DAB1: variants seen among roughly 807,000 people sequenced by gnomAD.
DAB1 encodes the protein DAB adaptor protein 1, also known as disabled homolog 1.
DAB1 carries 15 observed loss-of-function variants against 64.6 expected under a neutral mutation model. That is an observed-to-expected ratio of 0.23 (90% confidence interval 0.16 to 0.36). The LOEUF is 0.36. Ranked by LOEUF, DAB1 falls within the 10% of genes least tolerant of loss-of-function variation. The pLI is 1.00. For missense variants in DAB1, 596 were observed against 706.7 expected (o/e 0.84, Z 1.78); for synonymous variants, 235 against 251.9 (o/e 0.93, Z 0.64).
In DAB1 at chr1:57,198,691, C is replaced by A. The variant is rs576399463; in HGVS notation, c.68-53262G>T. ...CACACACACACACACACACACACAC[C>A]CATCAACTTTTCCTGGGAGAGTAAA... On this transcript the variant is annotated intron_variant, in intron 2 of 14. Transcript: ENST00000371236. Among the ~76,000 whole-genome samples the A allele has an allele frequency of 2.0e-3, 218 of 109,794 alleles. 2 individuals are homozygous for A. Among genetic ancestry groups the A allele is most frequent in the African/African-American group, 6.4e-3 (205 of 32,150 alleles). The allele number at this position is 109,794 out of a possible 152,430, so 72.0% of individuals were successfully genotyped here.
Position 57,962,210 on chromosome 1 carries a change from C to T in DAB1, n.388-78048G>A, listed in dbSNP as rs550006161. The stretch of plus-strand genomic sequence containing the variant: ...TCTTTAAGTGGGATCTTTATAGTGC[C>T]TACCTTAAAATTTTGCTGTGAATTC... On this transcript the variant is annotated intron_variant and non_coding_transcript_variant, in intron 5 of 20. Coordinates refer to the DAB1 transcript ENST00000485760. 7.2e-5 allele frequency among the ~76,000 whole-genome samples: 11 copies of T among 152,174 alleles called. No homozygotes were observed. In the South Asian group the frequency reaches 1.5e-3, roughly 20 times the overall value.
chr1:57,567,765 C>G (rs1037975707), intron 7 of DAB1, among the ~76,000 whole-genome samples: 28 of 151,884 alleles, frequency 1.8e-4, no homozygotes, highest in Non-Finnish European at 3.4e-4. Flanking sequence ...CACTGCTCAA[C>G]GAAATAAAAG....
At position 57,207,390 on chromosome 1, in the gene DAB1, T is replaced by A. The variant is rs371172035; in HGVS notation, c.68-61961A>T. Among the ~76,000 whole-genome samples, 75 of 151,614 alleles carry A rather than the reference T, an allele frequency of 4.9e-4. 1 individual carries two copies. The South Asian group carries it at 0.014, about 28-fold the overall frequency. The stretch of plus-strand genomic sequence containing the variant: ...AAAGAAAGAGCAGAAAATACTTTCA[T>A]GTTCATTTATAAAAATGATAGAATA... On this transcript the variant is annotated intron_variant, in intron 2 of 14. Transcript: ENST00000371236.
intron 2 of DAB1, among the ~76,000 whole-genome samples, chr1:57,208,908 G>T (rs564935410): frequency 6.6e-6 from 1 of 152,200 alleles, no homozygotes; most frequent in Non-Finnish European, 1.5e-5. Context: ...CAGACAGTGC[G>T]TTCAGGCCAA....
chr1:57,548,885 CATTA>C (rs1475511525), intron 7 of DAB1, among the ~76,000 whole-genome samples: 13 of 152,172 alleles, frequency 8.5e-5, no homozygotes, highest in Admixed American at 3.9e-4. Flanking sequence ...CCCTCATGTG[CATTA>C]ATTTAGTTAA....
intron 3 of DAB1, among the ~76,000 whole-genome samples, chr1:58,440,164 A>G (rs1049438331): frequency 6.6e-6 from 1 of 152,240 alleles, no homozygotes; most frequent in East Asian, 1.9e-4. Context: ...AGATGCTTCC[A>G]ATTGAAATCT....
chr1:57,916,347 T>C (rs990244607), intron 5 of DAB1, among the ~76,000 whole-genome samples: 1 of 152,180 alleles, frequency 6.6e-6, no homozygotes, highest in East Asian at 1.9e-4. Flanking sequence ...TCCTATGACT[T>C]GAATCCATTC....
intron 1 of DAB1, among the ~76,000 whole-genome samples, chr1:57,316,572 T>C (rs1675227270): frequency 6.6e-6 from 1 of 152,114 alleles, no homozygotes; most frequent in Non-Finnish European, 1.5e-5. Context: ...AGAGCTCAGC[T>C]GCCCACAAGC....
chr1:57,042,574 T>C (rs986137994), intron 9 of DAB1, among the ~76,000 whole-genome samples: 2 of 152,200 alleles, frequency 1.3e-5, no homozygotes, highest in African/African-American at 4.8e-5. Context: ...GTAGAGACTC[T>C]AGTTCCTCAT....
At chr1:58,505,748 T>C (rs7534613) in intron 3 of DAB1, among the ~76,000 whole-genome samples, 3,359 of 152,262 alleles carry the variant, frequency 0.022, 33 homozygotes, top group Middle Eastern at 0.034. Flanking sequence ...ATCATCAACA[T>C]GTTTAAAAAA....
chr1:58,409,893 A>T (rs1459857141), intron 3 of DAB1, among the ~76,000 whole-genome samples: 1 of 152,150 alleles, frequency 6.6e-6, no homozygotes, highest in Non-Finnish European at 1.5e-5. Flanking sequence ...CTGGCCACAA[A>T]CAATCCCGTA....
At chr1:57,657,234 A>G (rs1020887045) in intron 6 of DAB1, among the ~76,000 whole-genome samples, 1 of 152,200 alleles carries the variant, frequency 6.6e-6, no homozygotes, top group African/African-American at 2.4e-5. Flanking sequence ...TGTAAACAGC[A>G]TCATATTAGG....
At chr1:57,837,320 C>T (rs1652851487) in intron 1 of DAB1, among the ~76,000 whole-genome samples, 2 of 152,134 alleles carry the variant, frequency 1.3e-5, no homozygotes, top group African/African-American at 2.4e-5. Flanking sequence ...AGTGAAACAT[C>T]TCTAACACAT....
intron 5 of DAB1, among the ~76,000 whole-genome samples, chr1:58,038,267 G>C (rs1200266742): frequency 6.6e-6 from 1 of 152,092 alleles, no homozygotes; most frequent in African/African-American, 2.4e-5. Flanking sequence ...ACACATTTTG[G>C]GTGGAAAGGA....
chr1:58,015,280 A>G (rs776112866), intron 5 of DAB1, among the ~76,000 whole-genome samples: 2 of 152,046 alleles, frequency 1.3e-5, no homozygotes, highest in African/African-American at 4.8e-5. Flanking sequence ...CATGGTTTAC[A>G]TCTCCTGAAC....
At position 57,985,415 on chromosome 1, in the gene DAB1, T is replaced by G. The variant is rs142957624; in HGVS notation, n.388-101253A>C. On this transcript the variant is annotated intron_variant and non_coding_transcript_variant, in intron 5 of 20. Transcript: ENST00000485760. ...TGTTTGTGTCACCCCAAAATTCATG[T>G]GTCGAAATCCTAACCCCCAAGGTTA... is the stretch of plus-strand genomic sequence containing the variant. Among the ~76,000 whole-genome samples the G allele has an allele frequency of 3.0e-4, 45 of 152,276 alleles. No homozygotes were observed. In the Middle Eastern group the frequency reaches 0.01, roughly 35 times the overall value.
chr1:57,899,728 T>C (rs922009105), intron 5 of DAB1, among the ~76,000 whole-genome samples: 2 of 152,018 alleles, frequency 1.3e-5, no homozygotes, highest in African/African-American at 4.8e-5. Context: ...AGCCTCGTGA[T>C]ACTTTCATTC....
At position 57,153,787 on chromosome 1, in the gene DAB1, G is replaced by A. The variant is rs1477380935; in HGVS notation, c.68-8358C>T. ...TGAGTAGCTGGGATTACAGGCGACCGCCACCACACCTGGCTAATTTTTTTG... is the reference window on the plus strand; with the variant it reads ...TGAGTAGCTGGGATTACAGGCGACCACCACCACACCTGGCTAATTTTTTTG... On this transcript the variant is annotated intron_variant, in intron 2 of 14. Coordinates refer to ENST00000371236, the MANE Select transcript of DAB1 (RefSeq NM_001365792.1). 3.9e-5 allele frequency among the ~76,000 whole-genome samples: 6 copies of A among 151,976 alleles called. No individual in the cohort carries two copies. In the South Asian group the frequency reaches 6.2e-4, roughly 16 times the overall value.
Position 57,993,648 on chromosome 1 carries a change from G to A in DAB1, n.388-109486C>T, listed in dbSNP as rs555967598. 2.0e-5 allele frequency among the ~76,000 whole-genome samples: 3 copies of A among 152,314 alleles called. No individual in the cohort carries two copies. In the East Asian group the frequency reaches 5.8e-4, roughly 29 times the overall value. On this transcript the variant is annotated intron_variant and non_coding_transcript_variant, in intron 5 of 20. Coordinates refer to the DAB1 transcript ENST00000485760. ...ACGCTAAAGAAATGACACGGTTTTA[G>A]TGGAATGAGGACTTCTATTGTTACA...
Sources: allele counts gnomAD v4.1 joint callset (sites outside exome capture counted in the v4.1 genomes callset), GRCh38; gene constraint gnomAD v4.1.1; transcripts MANE v1.5; gene names NCBI Gene and HGNC (gene_info 2026-07-23, HGNC 2026-07-21).